Variants in GRAMD2A observed in about 807,000 individuals in gnomAD.
GRAMD2A encodes GRAM domain containing 2A.
Under a neutral mutation model 51.1 loss-of-function variants are expected in GRAMD2A, and 37 were observed. The observed-to-expected ratio is 0.72, with a 90% CI of 0.56 to 0.95. GRAMD2A has a LOEUF of 0.95. Among genes scored for constraint, GRAMD2A ranks in the 40% least tolerant of loss-of-function variants. GRAMD2A has a pLI of 0.00. For missense variants in GRAMD2A, 414 were observed against 426.9 expected (o/e 0.97, Z 0.27); for synonymous variants, 136 against 157.1 (o/e 0.87, Z 1.01).
chr15:72,161,697 AGTTT>A lies in GRAMD2A; in HGVS notation c.*308_*311del, dbSNP rs747917926. 4.2e-4 allele frequency: 160 copies of A among 379,588 alleles called. No homozygotes were observed. The highest frequency in any genetic ancestry group is 8.3e-4 in the Middle Eastern group (1 of 1,200). 23.5% of individuals were successfully genotyped at this position (379,588 alleles called of 1,614,324 possible). A position where few individuals can be genotyped will look rare whatever the true frequency, so the allele number is the denominator to read the frequency against. ...GTGCCAGAACTGTTTCCAAGGACCC[AGTTT>A]GTTTGTTTGTTTGTTTTCTCTAAGT... On this transcript the variant is annotated 3_prime_UTR_variant, in exon 12 of 12. Transcript: ENST00000309731.
chr15:72,162,204 G>C lies in GRAMD2A; in HGVS notation c.1061+69C>G. The C allele has an allele frequency of 2.1e-6, 3 of 1,400,448 alleles. No homozygotes were observed. The South Asian group carries it at 3.5e-5, about 16-fold the overall frequency. The allele number at this position is 1,400,448 out of a possible 1,614,324, so 86.8% of individuals were successfully genotyped here. ...AGGACCAAGTCCAGCCAGGCAGCCT[G>C]GCCTGAGGTTCTTGGCTCCTGTCCT... On this transcript the variant is annotated intron_variant, in intron 11 of 11. Coordinates refer to ENST00000309731, the MANE Select transcript of GRAMD2A (RefSeq NM_001012642.3).
At chr15:72,165,467 A>T in intron 7 of GRAMD2A, 57 bp from the exon 8 acceptor site, 4 of 1,535,246 alleles carry the variant, frequency 2.6e-6, no homozygotes, top group Non-Finnish European at 3.6e-6. Flanking sequence ...AAGGTCAGGC[A>T]GGGGGAAGCA....
intron 1 of GRAMD2A, among the ~76,000 whole-genome samples, chr15:72,195,789 G>A (rs569445620): frequency 8.6e-5 from 13 of 151,840 alleles, no homozygotes; most frequent in Admixed American, 4.6e-4. Flanking sequence ...GTGTGGTGGC[G>A]CATGCCTGTA....
At chr15:72,191,714 A>T (rs1034097339) in intron 1 of GRAMD2A, among the ~76,000 whole-genome samples, 1 of 152,246 alleles carries the variant, frequency 6.6e-6, no homozygotes, top group African/African-American at 2.4e-5. Flanking sequence ...CTGTAGGTCC[A>T]ACTCCCAATG....
Position 72,170,508 on chromosome 15 carries a change from C to T in GRAMD2A, c.42-569G>A. ...GCCGTCTTATACCAGGAAGTGGCCT[C>T]AGCCACCTTGGACAGTCAGGACAGC... is the stretch of plus-strand genomic sequence containing the variant. On this transcript the variant is annotated intron_variant, in intron 1 of 11. Transcript: ENST00000309731. This position sits in a 1 kb window ranked among gnomAD's most constrained non-coding sequence, Gnocchi z 4.5. 2.1e-5 allele frequency: 9 copies of T among 436,790 alleles called. No individual in the cohort carries two copies. The highest frequency in any genetic ancestry group is 1.5e-4 in the South Asian group (9 of 62,010). 27.1% of individuals were successfully genotyped at this position (436,790 alleles called of 1,614,324 possible).
chr15:72,169,406 G>A (rs2081584544), intron 2 of GRAMD2A: 2 of 494,720 alleles, frequency 4.0e-6, no homozygotes, highest in South Asian at 3.2e-5. Context: ...AGGTGAAGGT[G>A]TCAGACTCAC....
At chr15:72,179,734 G>T (rs1305042972) in intron 1 of GRAMD2A, among the ~76,000 whole-genome samples, 1 of 152,210 alleles carries the variant, frequency 6.6e-6, no homozygotes, top group Non-Finnish European at 1.5e-5. Flanking sequence ...CCTGCCCATT[G>T]AGCAGGACGT....
chr15:72,183,667 T>TA lies in GRAMD2A; in HGVS notation c.42-13729dup, dbSNP rs560593951. On this transcript the variant is annotated intron_variant, in intron 1 of 11. Transcript: ENST00000309731. ...CAACATGGTGAAATCCTGTCTCTAC[T>TA]AAAAAAAATAAATAAATACAAAACA... Among the ~76,000 whole-genome samples the TA allele has an allele frequency of 6.4e-4, 97 of 152,052 alleles. 4 individuals are homozygous for TA. In the South Asian group the frequency reaches 0.016, roughly 24 times the overall value.
Position 72,188,299 on chromosome 15 carries a change from T to A in GRAMD2A, c.41+9432A>T, listed in dbSNP as rs2081746935. Among the ~76,000 whole-genome samples the A allele has an allele frequency of 2.0e-5, 3 of 149,722 alleles. No homozygotes were observed. In the Admixed American group the frequency reaches 2.0e-4, roughly 10 times the overall value. ...TTACAGTGAGCTGAGATCCTCCTAC[T>A]GCACTCCAGCCTGGGCAACAGAGCT... On this transcript the variant is annotated intron_variant, in intron 1 of 11. Coordinates refer to ENST00000309731, the MANE Select transcript of GRAMD2A (RefSeq NM_001012642.3).
intron 8 of GRAMD2A, among the ~76,000 whole-genome samples, chr15:72,164,089 A>G (rs1596675723): frequency 1.3e-5 from 2 of 152,342 alleles, no homozygotes; most frequent in East Asian, 3.9e-4. Context: ...TGTCTTAGGT[A>G]GGATAAGTTC....
At chr15:72,173,172 T>A (rs1472676578) in intron 1 of GRAMD2A, among the ~76,000 whole-genome samples, 1 of 152,128 alleles carries the variant, frequency 6.6e-6, no homozygotes, top group Non-Finnish European at 1.5e-5. Context: ...GATGCACAGA[T>A]CCCTGGGAAC....
chr15:72,172,961 G>A (rs182531055), intron 1 of GRAMD2A, among the ~76,000 whole-genome samples: 18 of 152,272 alleles, frequency 1.2e-4, no homozygotes, highest in Admixed American at 5.9e-4. Flanking sequence ...CCATTACAGC[G>A]TGGGCCTGGC....
At chr15:72,169,643 G>A (rs2081588088) in intron 2 of GRAMD2A, 1 of 696,252 alleles carries the variant, frequency 1.4e-6, no homozygotes, top group Non-Finnish European at 2.6e-6. Context: ...GGAAACCCGA[G>A]AAGCATGGAC....
intron 1 of GRAMD2A, among the ~76,000 whole-genome samples, chr15:72,183,556 A>T (rs1254258022): frequency 2.2e-5 from 3 of 134,952 alleles, no homozygotes; most frequent in Non-Finnish European, 4.8e-5. Context: ...AAACCCGGGC[A>T]TGGTGGCTCA....
At position 72,166,796 on chromosome 15, in the gene GRAMD2A, A is replaced by AG; in HGVS notation, c.472-94dup. On this transcript the variant is annotated intron_variant, in intron 6 of 11. Coordinates refer to ENST00000309731, the MANE Select transcript of GRAMD2A (RefSeq NM_001012642.3). This position sits in a 1 kb window ranked among gnomAD's most constrained non-coding sequence, Gnocchi z 4.1. ...CCTTGTGGATTGGGCACAGGCCCAC[A>AG]GGGGTATCAGGCCATGAGAGCCAAC... is the stretch of plus-strand genomic sequence containing the variant. The AG allele has an allele frequency of 8.8e-7, 1 of 1,137,148 alleles. No individual in the cohort carries two copies. Among genetic ancestry groups the AG allele is most frequent in the East Asian group, 2.4e-5 (1 of 42,176 alleles). 70.4% of individuals were successfully genotyped at this position (1,137,148 alleles called of 1,614,324 possible).
rs551880402 is a variant in GRAMD2A, at chr15:72,190,262, G to A, written c.41+7469C>T. Among the ~76,000 whole-genome samples, 14 of 152,166 alleles carry A rather than the reference G, an allele frequency of 9.2e-5. No homozygotes were observed. The South Asian group carries it at 2.5e-3, about 27-fold the overall frequency. On this transcript the variant is annotated intron_variant, in intron 1 of 11. Coordinates refer to ENST00000309731, the MANE Select transcript of GRAMD2A (RefSeq NM_001012642.3). ...GGCGTGGTGGCAGGCGCCTGTAGTCGCAGCTACTCAGGAGGCTGAGGCAGG... is the reference window on the plus strand; with the variant it reads ...GGCGTGGTGGCAGGCGCCTGTAGTCACAGCTACTCAGGAGGCTGAGGCAGG...
intron 1 of GRAMD2A, among the ~76,000 whole-genome samples, chr15:72,174,440 CTCTGTCCCATCCAG>C (rs2081637162): frequency 6.6e-6 from 1 of 152,220 alleles, no homozygotes; most frequent in Admixed American, 6.5e-5. Context: ...TCTCCTCCCG[CTCTGTCCCATCCAG>C]TCCCGTCCCA....
Position 72,170,168 on chromosome 15 carries a change from T to C in GRAMD2A, c.42-229A>G, listed in dbSNP as rs1363223646. On this transcript the variant is annotated intron_variant, in intron 1 of 11. Transcript: ENST00000309731. The surrounding 1 kb of genome is among the most constrained non-coding windows in gnomAD (Gnocchi z 4.5). The stretch of plus-strand genomic sequence containing the variant: ...CAGCGTCTTTCCCGAAAGCCAGAAG[T>C]TCTGCTTATGCCTAGGCTGGGAGGA... 1.5e-6 allele frequency: 1 copy of C among 651,156 alleles called. No homozygotes were observed. Among genetic ancestry groups the C allele is most frequent in the African/African-American group, 1.8e-5 (1 of 56,180 alleles). The allele number at this position is 651,156 out of a possible 1,614,324, so 40.3% of individuals were successfully genotyped here.
chr15:72,165,973 A>T (rs1382217742), intron 7 of GRAMD2A, among the ~76,000 whole-genome samples: 1 of 151,856 alleles, frequency 6.6e-6, no homozygotes, highest in Non-Finnish European at 1.5e-5. Flanking sequence ...GGTTCAAGTG[A>T]TTCTCCTGCC....
Sources: allele counts gnomAD v4.1 joint callset (sites outside exome capture counted in the v4.1 genomes callset), GRCh38; gene constraint gnomAD v4.1.1; non-coding constraint Gnocchi (gnomAD v3.1); transcripts MANE v1.5; gene names NCBI Gene and HGNC (gene_info 2026-07-23, HGNC 2026-07-21).